The following CDIN1 variants were observed in gnomAD, a reference collection of about 807,000 sequenced individuals.
CDIN1 encodes CDAN1-interacting nuclease 1.
A neutral mutation model predicts 45.3 loss-of-function variants in CDIN1; 33 were observed. That is an observed-to-expected ratio of 0.73 (90% CI 0.55 to 0.97). CDIN1 has a LOEUF of 0.97. Among genes scored for constraint, CDIN1 ranks in the 50% least tolerant of loss-of-function variants. CDIN1 has a pLI of 0.00. For missense variants in CDIN1, 303 were observed against 339.4 expected (o/e 0.89, Z 0.84); for synonymous variants, 118 against 124.4 (o/e 0.95, Z 0.34).
intron 1 of CDIN1, among the ~76,000 whole-genome samples, chr15:36,620,118 G>A (rs886072692): frequency 2.6e-5 from 4 of 152,090 alleles, no homozygotes; most frequent in Non-Finnish European, 4.4e-5. Flanking sequence ...TTGGGAGGCC[G>A]AGGTGGGCGG....
chr15:36,639,587 C>CA (rs1173521224), intron 1 of CDIN1, among the ~76,000 whole-genome samples: 7 of 151,546 alleles, frequency 4.6e-5, no homozygotes, highest in Non-Finnish European at 4.4e-5. Context: ...GACTCTGTCT[C>CA]AAAAAAAACT....
chr15:36,796,270 A>G (rs1483444605), intron 10 of CDIN1, among the ~76,000 whole-genome samples: 1 of 152,206 alleles, frequency 6.6e-6, no homozygotes, highest in Non-Finnish European at 1.5e-5. Flanking sequence ...GTTTATTCTC[A>G]AATCCACCTT....
At chr15:36,770,303 G>A (rs190639266) in intron 10 of CDIN1, among the ~76,000 whole-genome samples, 1 of 151,776 alleles carries the variant, frequency 6.6e-6, no homozygotes, top group East Asian at 1.9e-4. Flanking sequence ...GAAAGAGGGA[G>A]GGAGGGAGGA....
At chr15:36,682,688 T>C (rs1314922622) in intron 5 of CDIN1, among the ~76,000 whole-genome samples, 1 of 146,432 alleles carries the variant, frequency 6.8e-6, no homozygotes, top group Admixed American at 7.0e-5. Flanking sequence ...GAGGGTATAT[T>C]GAGCCTGGAA....
intron 5 of CDIN1, among the ~76,000 whole-genome samples, chr15:36,686,136 GA>G (rs1595469653): frequency 2.0e-5 from 3 of 151,578 alleles, no homozygotes; most frequent in Non-Finnish European, 4.4e-5. Flanking sequence ...CACTATTCAC[GA>G]TAGCAAAGAC....
chr15:36,736,760 G>A (rs914182942), intron 10 of CDIN1, among the ~76,000 whole-genome samples: 1 of 152,120 alleles, frequency 6.6e-6, no homozygotes, highest in East Asian at 1.9e-4. Flanking sequence ...TACGTTTAAG[G>A]TCTTCCACAG....
At chr15:36,682,767 CAAAAAAA>C (rs10706117) in intron 5 of CDIN1, among the ~76,000 whole-genome samples, 3,943 of 61,454 alleles carry the variant, frequency 0.064, 63 homozygotes, top group Non-Finnish European at 0.086. Context: ...AAGACCCTGC[CAAAAAAA>C]AAAAAAAAAA....
intron 5 of CDIN1, among the ~76,000 whole-genome samples, chr15:36,660,314 A>G (rs984575997): frequency 3.9e-5 from 6 of 152,068 alleles, no homozygotes; most frequent in African/African-American, 1.4e-4. Flanking sequence ...CTCAGCTTTA[A>G]TGAGCTGCAA....
At chr15:36,594,688 C>T (rs190825527) in intron 1 of CDIN1, among the ~76,000 whole-genome samples, 4 of 152,172 alleles carry the variant, frequency 2.6e-5, no homozygotes, top group Non-Finnish European at 5.9e-5. Context: ...CCTTTGTGCG[C>T]AATAAAAATG....
At chr15:36,623,072 G>C (rs2039267545) in intron 1 of CDIN1, among the ~76,000 whole-genome samples, 1 of 151,992 alleles carries the variant, frequency 6.6e-6, no homozygotes, top group South Asian at 2.1e-4. Flanking sequence ...CATTTTTTTA[G>C]GGCTTTTGCA....
intron 10 of CDIN1, among the ~76,000 whole-genome samples, chr15:36,718,825 T>G (rs2043305686): frequency 1.3e-5 from 2 of 149,242 alleles, no homozygotes; most frequent in Admixed American, 1.3e-4. Context: ...TTTTTTTTTT[T>G]TTTTTTTTTT....
intron 1 of CDIN1, chr15:36,613,938 G>C (rs1427832280): frequency 1.3e-6 from 2 of 1,554,484 alleles, no homozygotes; most frequent in African/African-American, 1.3e-5. Context: ...ATTGCCGAGA[G>C]ATGGATGAGC....
At chr15:36,776,613 T>G (rs1000576825) in intron 10 of CDIN1, among the ~76,000 whole-genome samples, 1 of 152,214 alleles carries the variant, frequency 6.6e-6, no homozygotes, top group Non-Finnish European at 1.5e-5. Context: ...GTCATTATAT[T>G]GTTTCTGCAG....
chr15:36,680,365 A>G (rs1276911196), intron 5 of CDIN1, among the ~76,000 whole-genome samples: 5 of 152,296 alleles, frequency 3.3e-5, no homozygotes, highest in African/African-American at 9.6e-5. Context: ...AAAAAAGTAA[A>G]TAAGTATTCC....
At chr15:36,598,459 G>A (rs2037942284) in intron 1 of CDIN1, among the ~76,000 whole-genome samples, 1 of 152,136 alleles carries the variant, frequency 6.6e-6, no homozygotes, top group African/African-American at 2.4e-5. Flanking sequence ...AGGCCAACAT[G>A]CATTCATGTT....
Position 36,709,305 on chromosome 15 carries a change from T to A in CDIN1, c.610+17T>A. On this transcript the variant is annotated intron_variant, in intron 9 of 10. Coordinates refer to ENST00000566621, the MANE Select transcript of CDIN1 (RefSeq NM_001321759.2). ...TACCAGTTGGTAAGTTCTTTAACTC[T>A]GTTATGCATTTGTTTTTAGAGAAAA... The A allele has an allele frequency of 1.3e-6, 2 of 1,581,024 alleles. No individual in the cohort carries two copies. The highest frequency in any genetic ancestry group is 1.7e-6 in the Non-Finnish European group (2 of 1,163,680).
chr15:36,592,506 C>A (rs12907276), intron 1 of CDIN1, among the ~76,000 whole-genome samples: 1 of 151,954 alleles, frequency 6.6e-6, no homozygotes, highest in South Asian at 2.1e-4. Flanking sequence ...TTTACACCCC[C>A]TTTGTTCTGA....
At chr15:36,797,336 C>T (rs147848798) in intron 10 of CDIN1, among the ~76,000 whole-genome samples, 49 of 151,698 alleles carry the variant, frequency 3.2e-4, no homozygotes, top group African/African-American at 1.1e-3. Context: ...TTTTTACAAC[C>T]TTATCTTCTA....
At chr15:36,657,745 G>T in intron 4 of CDIN1, 88 bp from the exon 5 acceptor site, 3 of 994,708 alleles carry the variant, frequency 3.0e-6, no homozygotes, top group South Asian at 1.6e-5. Context: ...GATTAAAATT[G>T]ACTTATTCTT....
Sources: allele counts gnomAD v4.1 joint callset (sites outside exome capture counted in the v4.1 genomes callset), GRCh38; gene constraint gnomAD v4.1.1; transcripts MANE v1.5; gene names NCBI Gene and HGNC (gene_info 2026-07-23, HGNC 2026-07-21).